The following LRRC53 variants were observed in gnomAD, a reference collection of about 807,000 sequenced individuals.
The protein encoded by LRRC53 is leucine-rich repeat-containing protein 53.
A neutral mutation model predicts 13.6 loss-of-function variants in LRRC53; 25 were observed. The ratio of observed to expected loss-of-function variants is 1.83; its 90% CI spans 1.34 to 2.56. The LOEUF (loss-of-function observed/expected upper bound fraction) is 2.56. Among genes scored for constraint, LRRC53 ranks in the 30% most tolerant of loss-of-function variants. The pLI is 0.00. For synonymous variants in LRRC53, 204 were observed against 109.8 expected, an observed-to-expected ratio of 1.86 and a Z score of -5.37; for missense variants, 527 against 275.8, an observed-to-expected ratio of 1.91 and a Z score of -6.45.
chr1:74,501,767 A>G (rs1246584580), intron 1 of LRRC53, among the ~76,000 whole-genome samples: 3 of 152,088 alleles, frequency 2.0e-5, no homozygotes, highest in Non-Finnish European at 4.4e-5. Flanking sequence ...GATTACAAGC[A>G]TGAGCCACCG....
intron 1 of LRRC53, among the ~76,000 whole-genome samples, chr1:74,492,858 C>T (rs1422116651): frequency 1.3e-5 from 2 of 152,098 alleles, no homozygotes; most frequent in Non-Finnish European, 2.9e-5. Context: ...AATGTATTTC[C>T]GCAGTCTGAA....
chr1:74,529,926 C>T, the LRRC53 span, among the ~76,000 whole-genome samples: 1 of 152,088 alleles, frequency 6.6e-6, no homozygotes, highest in Non-Finnish European at 1.5e-5. Flanking sequence ...TAGAGCATGT[C>T]CTTTCTCCTG....
At chr1:74,511,100 C>A (rs965349849) in intron 1 of LRRC53, among the ~76,000 whole-genome samples, 4 of 152,122 alleles carry the variant, frequency 2.6e-5, no homozygotes, top group Non-Finnish European at 5.9e-5. Context: ...GTTGGCCAGG[C>A]TGGTCTGGAA....
At position 74,470,241 on chromosome 1, in the gene LRRC53, A is replaced by G; in HGVS notation, c.3381T>C (p.His1127=). 2.5e-6 allele frequency: 1 copy of G among 400,686 alleles called. No individual in the cohort carries two copies. The highest frequency in any genetic ancestry group is 4.4e-6 in the Non-Finnish European group (1 of 226,186). The allele number at this position is 400,686 out of a possible 1,614,324, so 24.8% of individuals were successfully genotyped here. A position where few individuals can be genotyped will look rare whatever the true frequency, so the allele number is the denominator to read the frequency against. ...TGGTCTCCTCGGCAGAGCTTGCATC[A>G]TGTAATATATATTTTTCACTTGTTC... is the stretch of plus-strand genomic sequence containing the variant. ...ENGTSEKYIL[H]DASSAEETIT... is the part of the protein sequence containing the mutation. The change falls in exon 5 of 5, where the codon CAT becomes CAC. Residue 1127 remains histidine (H), a synonymous_variant. Transcript: ENST00000294635.
intron 1 of LRRC53, among the ~76,000 whole-genome samples, chr1:74,508,158 A>G (rs1240395810): frequency 6.6e-6 from 1 of 152,222 alleles, no homozygotes; most frequent in Non-Finnish European, 1.5e-5. Context: ...TGCCAAAGAG[A>G]TGCAGAAATA....
chr1:74,527,691 G>C, the LRRC53 span, among the ~76,000 whole-genome samples: 1 of 152,162 alleles, frequency 6.6e-6, no homozygotes, highest in Admixed American at 6.5e-5. Flanking sequence ...GCCACTGAGG[G>C]ATTGGAATCA....
intron 1 of LRRC53, among the ~76,000 whole-genome samples, chr1:74,496,112 G>C (rs887990952): frequency 6.6e-6 from 1 of 152,150 alleles, no homozygotes; most frequent in Non-Finnish European, 1.5e-5. Flanking sequence ...TGGCACCCAG[G>C]CATCAGAATG....
chr1:74,536,724 C>T, the LRRC53 span, among the ~76,000 whole-genome samples: 2 of 152,020 alleles, frequency 1.3e-5, no homozygotes, highest in Non-Finnish European at 2.9e-5. Flanking sequence ...TGATATATAT[C>T]ATCATCTTTT....
At chr1:74,500,714 T>G (rs1422130045) in intron 1 of LRRC53, among the ~76,000 whole-genome samples, 1 of 149,416 alleles carries the variant, frequency 6.7e-6, no homozygotes, top group East Asian at 2.0e-4. Context: ...TTATCTTCCC[T>G]CTTTTTTAAG....
At position 74,475,370 on chromosome 1, in the gene LRRC53, C is replaced by A. The variant is rs1336801026; in HGVS notation, c.1345G>T (p.Val449Phe). ...GLLTTYNPRK[V>F]QKLWNLEPGE... ...GGCTCAAGATTCCATAGCTTTTGAA[C>A]TTTCCTTGGATTATATGTTGTAAGT... The change falls in exon 4 of 5, where the codon GTT (valine) becomes TTT (phenylalanine). Residue 449 changes from valine to phenylalanine, a missense_variant. Coordinates refer to ENST00000294635, the MANE Select transcript of LRRC53 (RefSeq NM_001382280.1). 1.4e-6 allele frequency: 1 copy of A among 716,342 alleles called. No homozygotes were observed. The allele number at this position is 716,342 out of a possible 1,614,324, so 44.4% of individuals were successfully genotyped here.
chr1:74,477,418 A>G (rs1291001777), intron 3 of LRRC53, among the ~76,000 whole-genome samples: 1 of 152,122 alleles, frequency 6.6e-6, no homozygotes, highest in African/African-American at 2.4e-5. Flanking sequence ...CTGAGCTACC[A>G]TTGTTTAGGT....
chr1:74,498,471 C>T (rs1417470663), intron 1 of LRRC53, among the ~76,000 whole-genome samples: 3 of 152,094 alleles, frequency 2.0e-5, no homozygotes, highest in South Asian at 2.1e-4. Flanking sequence ...AAATTCTCTT[C>T]TTTTTTGTTT....
chr1:74,486,304 T>G (rs1557599555), intron 1 of LRRC53, among the ~76,000 whole-genome samples: 1 of 151,844 alleles, frequency 6.6e-6, no homozygotes, highest in Non-Finnish European at 1.5e-5. Flanking sequence ...TTTTATTAAC[T>G]TTCCAGTGCC....
chr1:74,528,790 A>C, the LRRC53 span, among the ~76,000 whole-genome samples: 1 of 152,212 alleles, frequency 6.6e-6, no homozygotes, highest in Non-Finnish European at 1.5e-5. Flanking sequence ...CGGCACTTCA[A>C]CTGCAGGAAC....
chr1:74,522,862 G>C, the LRRC53 span, among the ~76,000 whole-genome samples: 1 of 152,310 alleles, frequency 6.6e-6, no homozygotes, highest in Middle Eastern at 3.4e-3. Context: ...ATTAAACTGT[G>C]AACACATAAA....
intron 1 of LRRC53, among the ~76,000 whole-genome samples, chr1:74,489,871 T>A (rs1668966940): frequency 6.6e-6 from 1 of 152,044 alleles, no homozygotes; most frequent in African/African-American, 2.4e-5. Context: ...TGAAAAATAA[T>A]ATATTCTCAA....
At chr1:74,484,109 C>G (rs1668634578) in intron 1 of LRRC53, among the ~76,000 whole-genome samples, 1 of 150,936 alleles carries the variant, frequency 6.6e-6, no homozygotes, top group Admixed American at 6.6e-5. Flanking sequence ...TTAAACTTTA[C>G]CTTTATTTTA....
chr1:74,505,377 G>A (rs1417094172), intron 1 of LRRC53, among the ~76,000 whole-genome samples: 1 of 152,174 alleles, frequency 6.6e-6, no homozygotes, highest in Non-Finnish European at 1.5e-5. Context: ...TTTGTGTTGC[G>A]AAGCTGAATC....
intron 1 of LRRC53, among the ~76,000 whole-genome samples, chr1:74,504,037 A>G (rs1669766849): frequency 6.6e-6 from 1 of 152,232 alleles, no homozygotes; most frequent in African/African-American, 2.4e-5. Context: ...CTATATTTAC[A>G]TAACACCTCT....
Sources: gnomAD v4.1 joint callset for allele counts (sites outside exome capture counted in the v4.1 genomes callset) on GRCh38, gnomAD v4.1.1 for gene constraint, MANE v1.5 for transcripts, NCBI Gene and HGNC (gene_info 2026-07-23, HGNC 2026-07-21) for gene names.